The following CRACDL variants were observed in gnomAD, a reference collection of about 807,000 sequenced individuals.
CRACDL encodes CRACD-like protein.
A neutral mutation model predicts 70.6 loss-of-function variants in CRACDL; 26 were observed. The observed-to-expected ratio is 0.37, with a 90% CI of 0.27 to 0.51. CRACDL has a LOEUF of 0.51. Ranked by LOEUF, CRACDL falls within the 20% of genes least tolerant of loss-of-function variation. The pLI is 0.94. For synonymous variants in CRACDL, 618 were observed against 615.2 expected (o/e 1.00, Z -0.07); for missense variants, 1,283 against 1,376.9 (o/e 0.93, Z 1.08).
At chr2:98,885,172 T>A (rs1221313099) in intron 1 of CRACDL, among the ~76,000 whole-genome samples, 2 of 152,154 alleles carry the variant, frequency 1.3e-5, no homozygotes, top group African/African-American at 4.8e-5. Context: ...ATAGAGATGA[T>A]CCAGTCTAGA....
rs576077183 is a variant in CRACDL at position 98,834,563 on chromosome 2, A to G, written c.240-1566T>C. 2.0e-5 allele frequency among the ~76,000 whole-genome samples: 3 copies of G among 152,366 alleles called. No individual in the cohort carries two copies. In the South Asian group the frequency reaches 6.2e-4, roughly 32 times the overall value. ...GTGTTTCTTATATTTTAAAAAAATG[A>G]AAATAGAAGAATAAATAACAAATAA... On this transcript the variant is annotated intron_variant, in intron 3 of 9. Coordinates refer to ENST00000397899, the MANE Select transcript of CRACDL (RefSeq NM_207362.3).
chr2:98,920,691 T>C (rs1708782344), intron 1 of CRACDL, among the ~76,000 whole-genome samples: 1 of 152,046 alleles, frequency 6.6e-6, no homozygotes, highest in Admixed American at 6.6e-5. Flanking sequence ...CTAGATCCAC[T>C]CCAACGCTAC....
intron 3 of CRACDL, among the ~76,000 whole-genome samples, chr2:98,835,443 A>G (rs890620251): frequency 3.9e-5 from 6 of 152,246 alleles, no homozygotes; most frequent in Non-Finnish European, 8.8e-5. Flanking sequence ...CAAGAAAGTA[A>G]GGAAGCCATC....
At chr2:98,803,512 T>G (rs1000268549) in intron 7 of CRACDL, among the ~76,000 whole-genome samples, 1 of 152,206 alleles carries the variant, frequency 6.6e-6, no homozygotes, top group African/African-American at 2.4e-5. Context: ...ACAAGCATAT[T>G]GTACAGATTT....
chr2:98,908,690 C>G (rs1708474039), intron 1 of CRACDL, among the ~76,000 whole-genome samples: 1 of 152,228 alleles, frequency 6.6e-6, no homozygotes, highest in Non-Finnish European at 1.5e-5. Context: ...GACCAAGGCT[C>G]GGGTTTCCAA....
intron 7 of CRACDL, among the ~76,000 whole-genome samples, chr2:98,799,258 G>A (rs1229869265): frequency 6.6e-6 from 1 of 152,188 alleles, no homozygotes; most frequent in Admixed American, 6.5e-5. Context: ...GGTGTGCAGA[G>A]GATATTACTC....
intron 6 of CRACDL, among the ~76,000 whole-genome samples, chr2:98,825,138 C>T (rs1705249188): frequency 6.6e-6 from 1 of 152,154 alleles, no homozygotes; most frequent in Non-Finnish European, 1.5e-5. Flanking sequence ...AGAGGGACCT[C>T]ATGACCAACG....
At chr2:98,928,918 T>G (rs1305682726) in intron 1 of CRACDL, among the ~76,000 whole-genome samples, 1 of 152,130 alleles carries the variant, frequency 6.6e-6, no homozygotes, top group African/African-American at 2.4e-5. Context: ...TCGGTTCCCG[T>G]AGAAATGATC....
chr2:98,822,438 G>A lies in CRACDL; in HGVS notation c.1835C>T (p.Ala612Val). The A allele has an allele frequency of 2.0e-6, 3 of 1,483,708 alleles. No individual in the cohort carries two copies. The highest frequency in any genetic ancestry group is 2.9e-5 in the East Asian group (1 of 34,596). The allele number at this position is 1,483,708 out of a possible 1,614,324, so 91.9% of individuals were successfully genotyped here. The change falls in exon 7 of 10, where the codon GCT (alanine) becomes GTT (valine). Residue 612 changes from alanine (A) to valine (V), a missense_variant. Ala to Val is a moderately conservative substitution (Grantham distance 64, BLOSUM62 0). Around this residue, in one of 2 missense-constraint regions of CRACDL, gnomAD observed 921 missense variants for 881.9 expected, o/e 1.04. Coordinates refer to ENST00000397899, the MANE Select transcript of CRACDL (RefSeq NM_207362.3). This position sits in a 1 kb window ranked among gnomAD's most constrained non-coding sequence, Gnocchi z 4.9. ...RSGPVWRSEAALDDLQGLPEP... is the reference protein window; with the variant it reads ...RSGPVWRSEAVLDDLQGLPEP... ...GGGGAGACCCTGGAGGTCGTCAAGA[G>A]CCGCCTCGCTCCTCCAGACCGGGCC...
At chr2:98,809,004 C>T (rs924304372) in intron 7 of CRACDL, among the ~76,000 whole-genome samples, 1 of 152,168 alleles carries the variant, frequency 6.6e-6, no homozygotes, top group African/African-American at 2.4e-5. Context: ...TCCCATGGTC[C>T]CCCATCCCAG....
At position 98,891,376 on chromosome 2, in the gene CRACDL, C is replaced by CAAAAAAAAAAAAAAA. The variant is rs548988640; in HGVS notation, c.-11+44547_-11+44561dup. 7.9e-3 allele frequency among the ~76,000 whole-genome samples: 299 copies of CAAAAAAAAAAAAAAA among 37,900 alleles called. 39 individuals are homozygous for CAAAAAAAAAAAAAAA. Among genetic ancestry groups the CAAAAAAAAAAAAAAA allele is most frequent in the African/African-American group, 0.021 (198 of 9,234 alleles). The allele number at this position is 37,900 out of a possible 152,430, so 24.9% of individuals were successfully genotyped here. A position where few individuals can be genotyped will look rare whatever the true frequency, so the allele number is the denominator to read the frequency against. On this transcript the variant is annotated intron_variant, in intron 1 of 9. Coordinates refer to ENST00000397899, the MANE Select transcript of CRACDL (RefSeq NM_207362.3). ...TGGGTGACAGAGGGAGACTCCGTCT[C>CAAAAAAAAAAAAAAA]AAAAAAAAAAAAAAAAAAAAAAAAA...
chr2:98,880,251 G>A (rs191035701), intron 1 of CRACDL, among the ~76,000 whole-genome samples: 39 of 152,268 alleles, frequency 2.6e-4, no homozygotes, highest in African/African-American at 8.7e-4. Context: ...AGAGGAGGAC[G>A]GGCTGTGCTG....
intron 1 of CRACDL, among the ~76,000 whole-genome samples, chr2:98,855,887 T>G (rs1706680003): frequency 1.3e-5 from 2 of 152,086 alleles, no homozygotes; most frequent in African/African-American, 4.8e-5. Flanking sequence ...AGATTCGAGT[T>G]GGCACAATAA....
At chr2:98,920,232 G>A (rs759097839) in intron 1 of CRACDL, among the ~76,000 whole-genome samples, 2 of 152,020 alleles carry the variant, frequency 1.3e-5, no homozygotes, top group Non-Finnish European at 2.9e-5. Flanking sequence ...TTGTGTCCCT[G>A]GTACAATTTC....
At chr2:98,847,596 C>T (rs1032668386) in intron 1 of CRACDL, among the ~76,000 whole-genome samples, 2 of 152,052 alleles carry the variant, frequency 1.3e-5, no homozygotes, top group Admixed American at 1.3e-4. Flanking sequence ...TAAAAAAATC[C>T]CTCACTCTTC....
intron 2 of CRACDL, among the ~76,000 whole-genome samples, chr2:98,844,811 T>G (rs891019480): frequency 2.0e-5 from 3 of 152,244 alleles, no homozygotes; most frequent in African/African-American, 7.2e-5. Context: ...GGCACCTTCC[T>G]TTAGTGAATG....
rs1703746659 is a variant in CRACDL at position 98,795,067 on chromosome 2, A to AAAAATT, written c.2750-397_2750-396insAATTTT. Among the ~76,000 whole-genome samples, 19 of 38,064 alleles carry AAAAATT rather than the reference A, an allele frequency of 5.0e-4. 1 individual carries two copies. The highest frequency in any genetic ancestry group is 1.5e-3 in the African/African-American group (17 of 11,312). 25.0% of individuals were successfully genotyped at this position (38,064 alleles called of 152,430 possible). A position where few individuals can be genotyped will look rare whatever the true frequency, so the allele number is the denominator to read the frequency against. On this transcript the variant is annotated intron_variant, in intron 9 of 9. Coordinates refer to ENST00000397899, the MANE Select transcript of CRACDL (RefSeq NM_207362.3). ...TATATATATATATATATATATATAT[A>AAAAATT]TATATATATATTTTTTTTTTTTTTT...
At position 98,822,767 on chromosome 2, in the gene CRACDL, G is replaced by A. The variant is rs1320738123; in HGVS notation, c.1506C>T (p.Pro502=). 3.1e-6 allele frequency: 4 copies of A among 1,276,530 alleles called. No homozygotes were observed. Among genetic ancestry groups the A allele is most frequent in the Non-Finnish European group, 2.0e-6 (2 of 1,015,646 alleles). 79.1% of individuals were successfully genotyped at this position (1,276,530 alleles called of 1,614,324 possible). A position where few individuals can be genotyped will look rare whatever the true frequency, so the allele number is the denominator to read the frequency against. ...CGGCGGGGCCCTCGCTGGCGGCCGC[G>A]GGCCGGTGTTTCAGGCAGCTCTTGG... ...PAPKSCLKHR[P]AAASEGPAAS... Residue 502 remains proline (P), a synonymous_variant, in exon 7 of 10, where the codon CCC becomes CCT. Coordinates refer to ENST00000397899, the MANE Select transcript of CRACDL (RefSeq NM_207362.3). The surrounding 1 kb of genome is among the most constrained non-coding windows in gnomAD (Gnocchi z 4.9).
chr2:98,909,880 CCAA>C (rs1553402658), intron 1 of CRACDL, among the ~76,000 whole-genome samples: 1 of 152,178 alleles, frequency 6.6e-6, no homozygotes, highest in Non-Finnish European at 1.5e-5. Flanking sequence ...GCTACGGAAG[CCAA>C]CAACAAAAGG....
Sources: allele counts gnomAD v4.1 joint callset (sites outside exome capture counted in the v4.1 genomes callset), GRCh38; gene constraint gnomAD v4.1.1; regional missense constraint gnomAD v4.1.1; non-coding constraint Gnocchi (gnomAD v3.1); transcripts MANE v1.5; gene names NCBI Gene and HGNC (gene_info 2026-07-23, HGNC 2026-07-21).